Variants in NPHP1 observed in about 807,000 individuals in gnomAD.
NPHP1 encodes nephrocystin 1.
A neutral mutation model predicts 90.4 loss-of-function variants in NPHP1; 70 were observed. That is an observed-to-expected ratio of 0.77 (90% CI 0.64 to 0.95). NPHP1 has a LOEUF of 0.95. Among genes scored for constraint, NPHP1 ranks in the 40% least tolerant of loss-of-function variants. The probability of loss-of-function intolerance (pLI) is 0.00; values close to 1 mark genes in which losing one functional copy is unlikely to be tolerated. For missense variants in NPHP1, 764 were observed against 795.9 expected (o/e 0.96, Z 0.48); for synonymous variants, 256 against 271.7 (o/e 0.94, Z 0.57).
In NPHP1 at chr2:110,123,467, T is replaced by C. The variant is rs948287868; in HGVS notation, c.*324A>G. On this transcript the variant is annotated 3_prime_UTR_variant, in exon 20 of 20. Coordinates refer to ENST00000445609, the MANE Select transcript of NPHP1 (RefSeq NM_001128178.3). ...CCATTCTGTAGGTTGTTTTTTTCAC[T>C]TTCTTGAATAATCATAAATTTAGTT... The C allele has an allele frequency of 4.7e-6, 1 of 212,952 alleles. No homozygotes were observed. The allele number at this position is 212,952 out of a possible 1,614,324, so 13.2% of individuals were successfully genotyped here. A position where few individuals can be genotyped will look rare whatever the true frequency, so the allele number is the denominator to read the frequency against.
intron 16 of NPHP1, among the ~76,000 whole-genome samples, chr2:110,139,395 C>T (rs1408917619): frequency 1.3e-5 from 2 of 152,132 alleles, no homozygotes; most frequent in Non-Finnish European, 2.9e-5. Flanking sequence ...AAAGACAAAT[C>T]TTGGTGAAAC....
At chr2:110,168,372 C>T in intron 6 of NPHP1, 80 bp downstream of exon 6, 1 of 903,518 alleles carries the variant, frequency 1.1e-6, no homozygotes, top group East Asian at 2.4e-5. Context: ...AGTCAACTGA[C>T]AAAAGAACAC....
chr2:110,144,694 TGAAAA>T, intron 14 of NPHP1, 125 bp from the exon 15 acceptor site: 1 of 695,024 alleles, frequency 1.4e-6, no homozygotes, highest in Non-Finnish European at 2.6e-6. Context: ...CGTTGGTAAA[TGAAAA>T]GAATAATTGT....
chr2:110,129,245 G>A lies in NPHP1; in HGVS notation c.1657C>T (p.Pro553Ser). The A allele has an allele frequency of 5.0e-6, 8 of 1,613,156 alleles. No homozygotes were observed. Among genetic ancestry groups the A allele is most frequent in the Non-Finnish European group, 5.1e-6 (6 of 1,179,250 alleles). Residue 553 changes from proline to serine, a missense_variant, in exon 18 of 20, where the codon CCC (proline) becomes TCC (serine). By Grantham distance (74) the Pro-to-Ser change is moderately conservative. Coordinates refer to ENST00000445609, the MANE Select transcript of NPHP1 (RefSeq NM_001128178.3). ...AGCATGGGGAAGGTGGCCAGCATGGGATGGCTAATTAAATCTGAAATGCAA... is the reference window on the plus strand; with the variant it reads ...AGCATGGGGAAGGTGGCCAGCATGGAATGGCTAATTAAATCTGAAATGCAA... ...SLQSTDLISHPMLATFPMLLE... is the reference protein window; with the variant it reads ...SLQSTDLISHSMLATFPMLLE...
At chr2:110,146,704 T>G (rs1238936865) in intron 14 of NPHP1, 49 bp downstream of exon 14, 1 of 1,379,120 alleles carries the variant, frequency 7.3e-7, no homozygotes, top group African/African-American at 1.4e-5. Context: ...GTCTAAAAAA[T>G]GAATTTTTAC....
Position 110,165,283 on chromosome 2 carries a change from C to T in NPHP1, c.625-128G>A, listed in dbSNP as rs1258986774. On this transcript the variant is annotated intron_variant, in intron 6 of 19. Coordinates refer to ENST00000445609, the MANE Select transcript of NPHP1 (RefSeq NM_001128178.3). ...GCTTTTCTGTTTAAAAACAAAAAAA[C>T]AAAAGCATCAGTACTTTCAGAAAAT... 5.4e-6 allele frequency: 4 copies of T among 736,992 alleles called. No homozygotes were observed. In the East Asian group the frequency reaches 1.1e-4, roughly 20 times the overall value. The allele number at this position is 736,992 out of a possible 1,614,324, so 45.7% of individuals were successfully genotyped here.
chr2:110,168,205 A>C (rs1310667016), intron 6 of NPHP1, among the ~76,000 whole-genome samples: 1 of 152,210 alleles, frequency 6.6e-6, no homozygotes, highest in African/African-American at 2.4e-5. Flanking sequence ...TATGATCAGC[A>C]TTAATCCACA....
At chr2:110,165,226 G>T in intron 6 of NPHP1, 71 bp from the exon 7 acceptor site, 1 of 1,136,160 alleles carries the variant, frequency 8.8e-7, no homozygotes, top group Non-Finnish European at 1.3e-6. Context: ...TACCAGTACT[G>T]CCACCTAACC....
At chr2:110,132,413 G>A (rs1436778776) in intron 16 of NPHP1, among the ~76,000 whole-genome samples, 4 of 152,176 alleles carry the variant, frequency 2.6e-5, no homozygotes, top group African/African-American at 9.7e-5. Flanking sequence ...CTAACACTTT[G>A]GGAGGCCGAG....
rs1683056215 is a variant in NPHP1 at position 110,170,604 on chromosome 2, A to C, written c.330-606T>G. On this transcript the variant is annotated intron_variant, in intron 4 of 19. Coordinates refer to ENST00000445609, the MANE Select transcript of NPHP1 (RefSeq NM_001128178.3). ...CAGTGGACACAAAGGTAAACCAGAC[A>C]TGATTCCCCATCCTCAAGGAGCTTG... Among the ~76,000 whole-genome samples, 3 of 152,148 alleles carry C rather than the reference A, an allele frequency of 2.0e-5. No individual in the cohort carries two copies. In the South Asian group the frequency reaches 6.2e-4, roughly 32 times the overall value.
chr2:110,184,622 C>A, intron 2 of NPHP1: 1 of 956,590 alleles, frequency 1.0e-6, no homozygotes, highest in Non-Finnish European at 1.7e-6. Flanking sequence ...CAAGCTGGAA[C>A]ATCTCTCGCT....
chr2:110,142,831 C>T (rs1680749059), intron 16 of NPHP1, among the ~76,000 whole-genome samples: 1 of 152,260 alleles, frequency 6.6e-6, no homozygotes, highest in African/African-American at 2.4e-5. Context: ...ACAGGTTTTG[C>T]TTTTGCACCA....
At chr2:110,198,168 G>T (rs1460625185) in intron 2 of NPHP1, among the ~76,000 whole-genome samples, 1 of 152,064 alleles carries the variant, frequency 6.6e-6, no homozygotes, top group African/African-American at 2.4e-5. Context: ...CTCCTATAAA[G>T]GGTGGAAGAC....
At chr2:110,187,290 A>G (rs189500808) in intron 2 of NPHP1, among the ~76,000 whole-genome samples, 1 of 152,268 alleles carries the variant, frequency 6.6e-6, no homozygotes, top group East Asian at 1.9e-4. Flanking sequence ...AATAAAGAAA[A>G]GAGAGAAGAA....
At chr2:110,184,758 C>T (rs1203371259) in intron 2 of NPHP1, 4 of 714,716 alleles carry the variant, frequency 5.6e-6, no homozygotes, top group Non-Finnish European at 7.9e-6. Flanking sequence ...TCCATAAACC[C>T]CCAGAAGGAA....
At chr2:110,135,330 A>G (rs996965546) in intron 16 of NPHP1, among the ~76,000 whole-genome samples, 2 of 151,718 alleles carry the variant, frequency 1.3e-5, no homozygotes, top group Non-Finnish European at 2.9e-5. Flanking sequence ...ACAAAAAATT[A>G]GCTGGGCGTG....
At chr2:110,193,912 A>G (rs925632046) in intron 2 of NPHP1, among the ~76,000 whole-genome samples, 6 of 152,150 alleles carry the variant, frequency 3.9e-5, no homozygotes, top group African/African-American at 1.2e-4. Context: ...TGACTACTGG[A>G]TACATAACGA....
At chr2:110,128,022 G>A (rs1170479759) in intron 18 of NPHP1, 1 of 151,980 alleles carries the variant, frequency 6.6e-6, no homozygotes, top group East Asian at 1.9e-4. Flanking sequence ...AGTGCCAGAC[G>A]AACTTATCTA....
chr2:110,150,041 T>A, intron 12 of NPHP1, 141 bp downstream of exon 12: 4 of 746,250 alleles, frequency 5.4e-6, no homozygotes, highest in Non-Finnish European at 9.5e-6. Flanking sequence ...GAAACATGAG[T>A]AATTTTTATC....
Sources: gnomAD v4.1 joint callset for allele counts (sites outside exome capture counted in the v4.1 genomes callset) on GRCh38, gnomAD v4.1.1 for gene constraint, MANE v1.5 for transcripts, NCBI Gene and HGNC (gene_info 2026-07-23, HGNC 2026-07-21) for gene names.